The following ADRA1A variants were observed in gnomAD, a reference collection of about 807,000 sequenced individuals.
ADRA1A encodes alpha-1A adrenergic receptor.
A neutral mutation model predicts 29.6 loss-of-function variants in ADRA1A; 31 were observed. The ratio of observed to expected loss-of-function variants is 1.05; its 90% CI spans 0.79 to 1.41. The LOEUF (loss-of-function observed/expected upper bound fraction) is 1.41, where lower values mean the gene tolerates loss of function less well. ADRA1A is among the 40% of genes most tolerant of loss of function. ADRA1A has a pLI of 0.00. For synonymous variants in ADRA1A, 311 were observed against 254.3 expected (o/e 1.22, Z -2.12); for missense variants, 619 against 601.1 (o/e 1.03, Z -0.31).
intron 2 of ADRA1A, among the ~76,000 whole-genome samples, chr8:26,781,869 G>A (rs1807007709): frequency 1.3e-5 from 2 of 152,198 alleles, no homozygotes; most frequent in African/African-American, 4.8e-5. Flanking sequence ...CAGCTTAAAG[G>A]CTAAAGCAGG....
chr8:26,801,092 A>G (rs1808543773), intron 2 of ADRA1A, among the ~76,000 whole-genome samples: 1 of 152,200 alleles, frequency 6.6e-6, no homozygotes, highest in Non-Finnish European at 1.5e-5. Context: ...TCATGATAAA[A>G]AGCCTCAAAA....
In ADRA1A at chr8:26,866,778, A is replaced by T. The variant is rs774777216; in HGVS notation, c.-687+158T>A. On this transcript the variant is annotated intron_variant, in intron 1 of 2. Coordinates refer to ENST00000380573, the MANE Select transcript of ADRA1A (RefSeq NM_000680.4). This position sits in a 1 kb window ranked among gnomAD's most constrained non-coding sequence, Gnocchi z 5.7. ...TCAGTAGAAGGCAACTTCGCAGAAG[A>T]TGTAAGGGAATCGGGGGTGGGGTAG... 6.6e-6 allele frequency among the ~76,000 whole-genome samples: 1 copy of T among 152,112 alleles called. No individual in the cohort carries two copies. The highest frequency in any genetic ancestry group is 1.5e-5 in the Non-Finnish European group (1 of 68,024).
Position 26,815,349 on chromosome 8 carries a change from C to A in ADRA1A, c.884-44683G>T, listed in dbSNP as rs1029662965. 6.6e-6 allele frequency among the ~76,000 whole-genome samples: 1 copy of A among 152,086 alleles called. No individual in the cohort carries two copies. The highest frequency in any genetic ancestry group is 1.5e-5 in the Non-Finnish European group (1 of 67,990). On this transcript the variant is annotated intron_variant, in intron 2 of 2. Transcript: ENST00000380573. This position sits in a 1 kb window ranked among gnomAD's most constrained non-coding sequence, Gnocchi z 4.2. Reference sequence around the variant, plus strand: ...TCTTTTACATGCATGGTTAGGTTTGCAAGATAGTAAAATTTTTCCAAGGGA... The same window carrying A: ...TCTTTTACATGCATGGTTAGGTTTGAAAGATAGTAAAATTTTTCCAAGGGA...
At position 26,867,152 on chromosome 8, in the gene ADRA1A, G is replaced by A. The variant is rs144296293; in HGVS notation, c.-903C>T. 1 of 985,296 alleles carries A rather than the reference G, an allele frequency of 1.0e-6. No individual in the cohort carries two copies. The highest frequency in any genetic ancestry group is 1.2e-6 in the Non-Finnish European group (1 of 829,908). 61.0% of individuals were successfully genotyped at this position (985,296 alleles called of 1,614,324 possible). ...TCACTTTACCTGCATTTTTTAAAAA[G>A]AGTCAAAATAAGAAAAGAAAAAAAA... On this transcript the variant is annotated 5_prime_UTR_variant, in exon 1 of 3. Transcript: ENST00000380573.
chr8:26,770,605 T>A lies in ADRA1A; in HGVS notation c.945A>T (p.Gly315=). 6.2e-7 allele frequency: 1 copy of A among 1,614,126 alleles called. No homozygotes were observed. The highest frequency in any genetic ancestry group is 8.5e-7 in the Non-Finnish European group (1 of 1,180,014). ...TGGGGTTGATGCAGCTGTTTAGATA[T>A]CCGAGCCAAAATACTATTTTAAAAA... ...ETVFKIVFWL[G]YLNSCINPII... Residue 315 remains glycine (G), a synonymous_variant, in exon 3 of 3, where the codon GGA becomes GGT. Coordinates refer to ENST00000380573, the MANE Select transcript of ADRA1A (RefSeq NM_000680.4).
downstream of ADRA1A, among the ~76,000 whole-genome samples, chr8:26,755,206 T>TTC (rs1554488410): frequency 4.6e-5 from 7 of 150,622 alleles, no homozygotes; most frequent in Non-Finnish European, 1.0e-4. Flanking sequence ...TTTTTTTTTT[T>TTC]TCTCTGTTTA....
rs1811802752 is a variant in ADRA1A at position 26,841,351 on chromosome 8, T to C, written c.883+22736A>G. ...ACAGTTTCCTTTACCACCCACTGTC[T>C]GAGCCACCAAAGCCTACCCCACCCT... is the stretch of plus-strand genomic sequence containing the variant. On this transcript the variant is annotated intron_variant, in intron 2 of 2. Coordinates refer to ENST00000380573, the MANE Select transcript of ADRA1A (RefSeq NM_000680.4). This position sits in a 1 kb window ranked among gnomAD's most constrained non-coding sequence, Gnocchi z 4.4. 6.6e-6 allele frequency among the ~76,000 whole-genome samples: 1 copy of C among 152,166 alleles called. No homozygotes were observed. The highest frequency in any genetic ancestry group is 2.1e-4 in the South Asian group (1 of 4,818).
At chr8:26,828,842 C>A (rs963892499) in intron 2 of ADRA1A, among the ~76,000 whole-genome samples, 2 of 152,120 alleles carry the variant, frequency 1.3e-5, no homozygotes, top group African/African-American at 4.8e-5. Flanking sequence ...CACGTGATAA[C>A]CACATGCAGG....
chr8:26,762,537 C>T (rs1464359317), downstream of ADRA1A, among the ~76,000 whole-genome samples: 1 of 152,118 alleles, frequency 6.6e-6, no homozygotes, highest in Non-Finnish European at 1.5e-5. The surrounding 1 kb of genome is among the most constrained non-coding windows in gnomAD (Gnocchi z 4.0). Flanking sequence ...GGCACCCACC[C>T]CAGCTTCTTT....
chr8:26,770,043 C>G lies in ADRA1A; in HGVS notation c.*106G>C. The G allele has an allele frequency of 6.7e-7, 1 of 1,482,346 alleles. No homozygotes were observed. Among genetic ancestry groups the G allele is most frequent in the Non-Finnish European group, 8.9e-7 (1 of 1,118,124 alleles). 91.8% of individuals were successfully genotyped at this position (1,482,346 alleles called of 1,614,324 possible). A position where few individuals can be genotyped will look rare whatever the true frequency, so the allele number is the denominator to read the frequency against. On this transcript the variant is annotated 3_prime_UTR_variant, in exon 3 of 3. Coordinates refer to ENST00000380573, the MANE Select transcript of ADRA1A (RefSeq NM_000680.4). Reference sequence around the variant, plus strand: ...CACCCACCCCATTCCCAGCAGGTCCCCTCTTTGATTGGTCCTGTCTTGTCC... The same window carrying G: ...CACCCACCCCATTCCCAGCAGGTCCGCTCTTTGATTGGTCCTGTCTTGTCC...
At chr8:26,859,745 T>C (rs910873739) in intron 2 of ADRA1A, among the ~76,000 whole-genome samples, 2 of 151,572 alleles carry the variant, frequency 1.3e-5, no homozygotes, top group African/African-American at 4.8e-5. Flanking sequence ...GTATGTTCCC[T>C]ACTTCCCTCC....
chr8:26,785,835 T>C (rs1807329489), intron 2 of ADRA1A, among the ~76,000 whole-genome samples: 1 of 152,202 alleles, frequency 6.6e-6, no homozygotes, highest in African/African-American at 2.4e-5. Context: ...ATTCACTCAC[T>C]GTTAAGAAAA....
At chr8:26,829,190 C>T (rs544231939) in intron 2 of ADRA1A, among the ~76,000 whole-genome samples, 5 of 152,066 alleles carry the variant, frequency 3.3e-5, no homozygotes, top group Admixed American at 2.6e-4. Flanking sequence ...GGGAGACTCA[C>T]CTAATGCCAA....
At chr8:26,766,740 C>G (rs1805813379), downstream of ADRA1A, among the ~76,000 whole-genome samples, 1 of 151,992 alleles carries the variant, frequency 6.6e-6, no homozygotes, top group Non-Finnish European at 1.5e-5. Flanking sequence ...TTGGGCAAGT[C>G]CTTAACCTCT....
chr8:26,782,834 C>T (rs905837527), intron 2 of ADRA1A, among the ~76,000 whole-genome samples: 6 of 152,106 alleles, frequency 3.9e-5, no homozygotes, highest in Admixed American at 3.9e-4. Context: ...AAACTGAATT[C>T]ACCATCTCTC....
At position 26,864,930 on chromosome 8, in the gene ADRA1A, A is replaced by T. The variant is rs754001123; in HGVS notation, c.40T>A (p.Cys14Ser). 1 of 1,612,554 alleles carries T rather than the reference A, an allele frequency of 6.2e-7. No homozygotes were observed. Among genetic ancestry groups the T allele is most frequent in the African/African-American group, 1.3e-5 (1 of 74,894 alleles). Residue 14 changes from cysteine (C) to serine (S), a missense_variant, in exon 2 of 3, where the codon TGC (cysteine) becomes AGC (serine). Cys to Ser is a moderately radical substitution (Grantham distance 112). Coordinates refer to ENST00000380573, the MANE Select transcript of ADRA1A (RefSeq NM_000680.4). The surrounding 1 kb of genome is among the most constrained non-coding windows in gnomAD (Gnocchi z 8.1). ...LSGNASDSSN[C>S]TQPPAPVNIS... ...TTCACCGGTGCCGGCGGTTGGGTGC[A>T]GTTGGAGCTGTCGGAAGCATTTCCC... is the stretch of plus-strand genomic sequence containing the variant.
At chr8:26,795,376 T>C (rs1386514247) in intron 2 of ADRA1A, among the ~76,000 whole-genome samples, 2 of 152,080 alleles carry the variant, frequency 1.3e-5, no homozygotes, top group African/African-American at 4.8e-5. Context: ...TGGGGGAAAA[T>C]AAACCTTTAT....
intron 2 of ADRA1A, among the ~76,000 whole-genome samples, chr8:26,778,780 A>C (rs1443284002): frequency 9.0e-6 from 1 of 111,452 alleles, no homozygotes; most frequent in African/African-American, 3.5e-5. Flanking sequence ...AACATCACAC[A>C]CTGGGGCCTG....
intron 2 of ADRA1A, among the ~76,000 whole-genome samples, chr8:26,822,483 G>A (rs1810245103): frequency 6.6e-6 from 1 of 152,226 alleles, no homozygotes; most frequent in Non-Finnish European, 1.5e-5. Flanking sequence ...TACATGGCTA[G>A]TGGCTACTAT....
Sources: allele counts gnomAD v4.1 joint callset (sites outside exome capture counted in the v4.1 genomes callset), GRCh38; gene constraint gnomAD v4.1.1; non-coding constraint Gnocchi (gnomAD v3.1); transcripts MANE v1.5; gene names NCBI Gene and HGNC (gene_info 2026-07-23, HGNC 2026-07-21).